Variants in HRH1 observed in about 807,000 individuals in gnomAD.
HRH1 encodes the protein histamine H1 receptor.
A neutral mutation model predicts 10.3 loss-of-function variants in HRH1; 6 were observed. The ratio of observed to expected loss-of-function variants is 0.58; its 90% confidence interval spans 0.32 to 1.15. The LOEUF (loss-of-function observed/expected upper bound fraction) is 1.15, where lower values mean the gene tolerates loss of function less well. Ranked by LOEUF, HRH1 falls within the 50% of genes most tolerant of loss-of-function variation. The pLI is 0.05. For synonymous variants in HRH1, 242 were observed against 236.7 expected (o/e 1.02, Z -0.21); for missense variants, 514 against 615.3 (o/e 0.84, Z 1.74).
intron 1 of HRH1, among the ~76,000 whole-genome samples, chr3:11,192,349 T>C (rs1937557008): frequency 6.6e-6 from 1 of 152,054 alleles, no homozygotes; most frequent in South Asian, 2.1e-4. Flanking sequence ...GCTGGTTTTT[T>C]TCGCTTTTAG....
intron 1 of HRH1, among the ~76,000 whole-genome samples, chr3:11,181,922 C>T (rs747958430): frequency 5.9e-5 from 9 of 152,050 alleles, no homozygotes; most frequent in East Asian, 3.9e-4. Flanking sequence ...TGAGCCACCA[C>T]GCCTGGCCCC....
At chr3:11,188,760 A>G (rs1212356572) in intron 1 of HRH1, among the ~76,000 whole-genome samples, 2 of 152,160 alleles carry the variant, frequency 1.3e-5, no homozygotes, top group Non-Finnish European at 2.9e-5. Flanking sequence ...GATGACACAG[A>G]AAAAAGCTCA....
intron 1 of HRH1, among the ~76,000 whole-genome samples, chr3:11,205,997 T>A (rs943110888): frequency 2.0e-5 from 3 of 151,962 alleles, no homozygotes; most frequent in African/African-American, 7.3e-5. Context: ...TGGCTGCCAT[T>A]TGGGGCTGGA....
chr3:11,242,241 G>T (rs868527559), intron 1 of HRH1, among the ~76,000 whole-genome samples: 60 of 152,110 alleles, frequency 3.9e-4, no homozygotes, highest in Admixed American at 1.3e-3. Flanking sequence ...CAGCACTTTG[G>T]GAGGCCAAGG....
At chr3:11,153,513 C>A (rs1936698204), upstream of HRH1, among the ~76,000 whole-genome samples, 3 of 151,136 alleles carry the variant, frequency 2.0e-5, no homozygotes, top group Admixed American at 1.3e-4. Context: ...ACACCCCAAC[C>A]CACCATGTCC....
intron 1 of HRH1, among the ~76,000 whole-genome samples, chr3:11,200,817 T>C (rs1198773540): frequency 6.6e-6 from 1 of 152,182 alleles, no homozygotes; most frequent in Non-Finnish European, 1.5e-5. Context: ...GCTCAGCTCC[T>C]TCATCTGGGA....
At chr3:11,180,056 C>T (rs1252526337) in intron 1 of HRH1, among the ~76,000 whole-genome samples, 1 of 152,184 alleles carries the variant, frequency 6.6e-6, no homozygotes, top group Admixed American at 6.5e-5. Flanking sequence ...CACCACCACA[C>T]CCGGCCCTCT....
chr3:11,241,969 G>A (rs1939355573), intron 1 of HRH1, among the ~76,000 whole-genome samples: 1 of 152,220 alleles, frequency 6.6e-6, no homozygotes, highest in South Asian at 2.1e-4. Context: ...CAGTCAGCAG[G>A]AGTCTAAAAG....
chr3:11,247,881 A>G (rs1163245322), intron 1 of HRH1, among the ~76,000 whole-genome samples: 3 of 152,180 alleles, frequency 2.0e-5, no homozygotes, highest in Non-Finnish European at 4.4e-5. Context: ...AACCGCAAAT[A>G]CAGGGTATGA....
intron 1 of HRH1, among the ~76,000 whole-genome samples, chr3:11,185,854 C>T (rs144450661): frequency 2.0e-5 from 3 of 152,280 alleles, no homozygotes; most frequent in East Asian, 3.9e-4. Flanking sequence ...ACGTTGTTTA[C>T]GGTAACTTCT....
intron 1 of HRH1, among the ~76,000 whole-genome samples, chr3:11,155,443 A>T (rs545430196): frequency 6.6e-6 from 1 of 152,274 alleles, no homozygotes; most frequent in African/African-American, 2.4e-5. Context: ...TCCTCAAGGA[A>T]GTCACGTCTC....
At chr3:11,226,260 T>C (rs1470333188) in intron 1 of HRH1, 1 of 152,074 alleles carries the variant, frequency 6.6e-6, no homozygotes, top group Non-Finnish European at 1.5e-5. Context: ...CCAGGCTGAT[T>C]AGAGTAATGA....
At chr3:11,203,041 A>G (rs985334463) in intron 1 of HRH1, among the ~76,000 whole-genome samples, 1 of 152,270 alleles carries the variant, frequency 6.6e-6, no homozygotes, top group African/African-American at 2.4e-5. Context: ...TTCACTTAAT[A>G]GTATGCATGT....
chr3:11,142,939 G>A (rs980411309), intron 1 of HRH1, among the ~76,000 whole-genome samples: 24 of 151,934 alleles, frequency 1.6e-4, no homozygotes, highest in East Asian at 9.6e-4. Flanking sequence ...ATTGAATGAT[G>A]ATGAGGTGTC....
intron 1 of HRH1, among the ~76,000 whole-genome samples, chr3:11,146,306 T>G (rs543706929): frequency 2.6e-5 from 4 of 152,310 alleles, no homozygotes; most frequent in Admixed American, 2.6e-4. Flanking sequence ...TGATTTCTGT[T>G]ACCCAGGAGA....
At chr3:11,249,782 G>A (rs1939588228) in intron 1 of HRH1, among the ~76,000 whole-genome samples, 1 of 152,080 alleles carries the variant, frequency 6.6e-6, no homozygotes, top group Non-Finnish European at 1.5e-5. Flanking sequence ...CCCAATTAAC[G>A]GAATCTCCGT....
At chr3:11,255,628 A>G (rs942617225) in intron 1 of HRH1, among the ~76,000 whole-genome samples, 15 of 152,234 alleles carry the variant, frequency 9.9e-5, no homozygotes, top group African/African-American at 2.7e-4. Flanking sequence ...TATACATTCT[A>G]GGGAGACATG....
chr3:11,222,061 A>G (rs1383993408), intron 1 of HRH1, among the ~76,000 whole-genome samples: 1 of 152,190 alleles, frequency 6.6e-6, no homozygotes, highest in East Asian at 1.9e-4. Context: ...GAACATGAGT[A>G]TATCAGTTTC....
chr3:11,179,493 G>A (rs1285552173), intron 1 of HRH1, among the ~76,000 whole-genome samples: 2 of 151,218 alleles, frequency 1.3e-5, no homozygotes, highest in Non-Finnish European at 2.9e-5. Flanking sequence ...GGTGGCGGGC[G>A]CCTGTAGTCC....
Sources: gnomAD v4.1 joint callset for allele counts (sites outside exome capture counted in the v4.1 genomes callset) on GRCh38, gnomAD v4.1.1 for gene constraint, MANE v1.5 for transcripts, NCBI Gene and HGNC (gene_info 2026-07-23, HGNC 2026-07-21) for gene names.